Variants in FAM178B observed in about 807,000 individuals in gnomAD.
FAM178B encodes protein FAM178B.
A neutral mutation model predicts 91.7 loss-of-function variants in FAM178B; 82 were observed. That is an observed-to-expected ratio of 0.89 (90% CI 0.75 to 1.07). FAM178B has a LOEUF of 1.07. FAM178B is among the 50% of genes least tolerant of loss of function. The probability of loss-of-function intolerance (pLI) is 0.00; values close to 1 mark genes in which losing one functional copy is unlikely to be tolerated. For missense variants in FAM178B, 769 were observed against 846.7 expected (o/e 0.91, Z 1.14); for synonymous variants, 368 against 359.4 (o/e 1.02, Z -0.27).
At chr2:96,985,767 G>A (rs2082415583) in intron 1 of FAM178B, among the ~76,000 whole-genome samples, 3 of 152,192 alleles carry the variant, frequency 2.0e-5, no homozygotes, top group Admixed American at 6.5e-5. Flanking sequence ...CGAGAGCAGC[G>A]GCTCCTGTCA....
chr2:96,926,812 G>A (rs2153371386), intron 9 of FAM178B, among the ~76,000 whole-genome samples: 1 of 152,342 alleles, frequency 6.6e-6, no homozygotes, highest in Admixed American at 6.5e-5. Context: ...GGGAAGACTT[G>A]TCTTTCTCAG....
At position 96,895,407 on chromosome 2, in the gene FAM178B, C is replaced by T. The variant is rs140344512; in HGVS notation, c.1651-1356G>A. Among the ~76,000 whole-genome samples the T allele has an allele frequency of 2.6e-3, 389 of 152,338 alleles. 1 individual carries two copies. The highest frequency in any genetic ancestry group is 3.6e-3 in the Non-Finnish European group (245 of 68,040). ...TGACTATGGCACCTAAGCTATTAGC[C>T]GCCCCAGCCCCCATTTAGTTTTTGA... On this transcript the variant is annotated intron_variant, in intron 13 of 16. Coordinates refer to ENST00000490605, the MANE Select transcript of FAM178B (RefSeq NM_001122646.3).
chr2:96,904,561 T>C (rs2080995275), intron 12 of FAM178B, among the ~76,000 whole-genome samples: 1 of 148,264 alleles, frequency 6.7e-6, no homozygotes, highest in Non-Finnish European at 1.5e-5. Context: ...TTTTTTTTTT[T>C]TTTTGTATTT....
At chr2:96,960,909 G>A (rs1207160881) in intron 5 of FAM178B, among the ~76,000 whole-genome samples, 2 of 152,162 alleles carry the variant, frequency 1.3e-5, no homozygotes, top group African/African-American at 4.8e-5. Flanking sequence ...GGGAGGGGCA[G>A]GAAGGCTGGC....
chr2:96,951,128 A>G (rs1384785862), intron 7 of FAM178B, among the ~76,000 whole-genome samples: 1 of 152,154 alleles, frequency 6.6e-6, no homozygotes, highest in East Asian at 1.9e-4. Context: ...CTTCGGGGGA[A>G]GCAGAGGCTC....
At position 96,971,896 on chromosome 2, in the gene FAM178B, C is replaced by T. The variant is rs1269611267; in HGVS notation, c.564+5G>A. On this transcript the variant is annotated splice_donor_5th_base_variant and intron_variant, in intron 3 of 16. Coordinates refer to ENST00000490605, the MANE Select transcript of FAM178B (RefSeq NM_001122646.3). ...AGAAGAGGCCAAGGGTGGACACAGG[C>T]TCACCTCTGGGGCCGCAGCCTGCTG... The T allele has an allele frequency of 6.7e-7, 1 of 1,481,600 alleles. No homozygotes were observed. The highest frequency in any genetic ancestry group is 1.4e-5 in the African/African-American group (1 of 70,764). 91.8% of individuals were successfully genotyped at this position (1,481,600 alleles called of 1,614,324 possible). A position where few individuals can be genotyped will look rare whatever the true frequency, so the allele number is the denominator to read the frequency against.
rs187264360 is a variant in FAM178B, at chr2:96,971,901, C to T, written c.564G>A (p.Glu188=). The T allele has an allele frequency of 3.4e-6, 5 of 1,491,380 alleles. No individual in the cohort carries two copies. The East Asian group carries it at 1.2e-4, about 37-fold the overall frequency. The allele number at this position is 1,491,380 out of a possible 1,614,324, so 92.4% of individuals were successfully genotyped here. ...AGGCCAAGGGTGGACACAGGCTCAC[C>T]TCTGGGGCCGCAGCCTGCTGGCTCA... ...SGLSQQAAAP[E]FSWGGSGSYF... The change falls in exon 3 of 17, where the codon GAG becomes GAA. Residue 188 remains glutamate (E), a splice_region_variant and synonymous_variant. Coordinates refer to ENST00000490605, the MANE Select transcript of FAM178B (RefSeq NM_001122646.3).
In FAM178B at chr2:96,878,485, G is replaced by T; in HGVS notation, c.1785C>A (p.Tyr595Ter). 6.2e-7 allele frequency: 1 copy of T among 1,613,866 alleles called. No individual in the cohort carries two copies. Among genetic ancestry groups the T allele is most frequent in the Non-Finnish European group, 8.5e-7 (1 of 1,180,004 alleles). The change falls in exon 15 of 17, where the codon TAC becomes TAA. Residue 595 changes from tyrosine (Y) to a stop codon, truncating the protein, a stop_gained. Coordinates refer to ENST00000490605, the MANE Select transcript of FAM178B (RefSeq NM_001122646.3). LOFTEE classifies it high-confidence loss of function. ...CCAGCATCAGCAAGCTGTGGCACAG[G>T]TAGCAGGCCTGGAGGGAGAGCACAG... ...ASAELDHKAC[Y>*]LCHSLLMLAG... is the part of the protein sequence containing the mutation.
intron 6 of FAM178B, among the ~76,000 whole-genome samples, chr2:96,952,494 C>T (rs974027555): frequency 1.4e-4 from 22 of 152,154 alleles, no homozygotes; most frequent in African/African-American, 5.1e-4. Context: ...CTCTCAAAAT[C>T]GGCGCTGGTG....
intron 12 of FAM178B, among the ~76,000 whole-genome samples, chr2:96,909,076 G>A (rs1449954650): frequency 1.3e-5 from 2 of 150,114 alleles, no homozygotes; most frequent in African/African-American, 4.9e-5. Flanking sequence ...CTGGGAGGCA[G>A]AGGTTGCAGT....
At chr2:96,906,185 A>G (rs1237239591) in intron 12 of FAM178B, among the ~76,000 whole-genome samples, 3 of 148,372 alleles carry the variant, frequency 2.0e-5, no homozygotes, top group Non-Finnish European at 4.5e-5. Flanking sequence ...CGCCCAGCCA[A>G]TACTTTTTCT....
chr2:96,930,088 T>G (rs2081513453), intron 8 of FAM178B, among the ~76,000 whole-genome samples: 1 of 151,848 alleles, frequency 6.6e-6, no homozygotes, highest in South Asian at 2.1e-4. Context: ...CATGGCGGCA[T>G]GAGCCTGTAG....
At chr2:96,938,288 G>A (rs1314610901) in intron 8 of FAM178B, among the ~76,000 whole-genome samples, 2 of 152,150 alleles carry the variant, frequency 1.3e-5, no homozygotes, top group East Asian at 1.9e-4. Flanking sequence ...CTAAGGGAAC[G>A]AACTCACCTG....
chr2:96,981,615 C>T (rs2082361588), intron 1 of FAM178B, among the ~76,000 whole-genome samples: 1 of 151,876 alleles, frequency 6.6e-6, no homozygotes, highest in Non-Finnish European at 1.5e-5. Flanking sequence ...GTGGTGGATG[C>T]CTGTAGTCCC....
intron 12 of FAM178B, among the ~76,000 whole-genome samples, chr2:96,907,920 T>C (rs969638266): frequency 2.6e-5 from 4 of 152,180 alleles, no homozygotes; most frequent in Non-Finnish European, 5.9e-5. Context: ...CCTTTTCCAG[T>C]CTCCAGGGCA....
intron 5 of FAM178B, among the ~76,000 whole-genome samples, chr2:96,964,368 A>G (rs893506479): frequency 6.6e-6 from 1 of 152,174 alleles, no homozygotes; most frequent in Non-Finnish European, 1.5e-5. Flanking sequence ...TGAATGCAGA[A>G]TGCTAACCTA....
chr2:96,904,261 G>A (rs936609026), intron 12 of FAM178B, among the ~76,000 whole-genome samples: 2 of 148,708 alleles, frequency 1.3e-5, no homozygotes, highest in South Asian at 2.1e-4. Flanking sequence ...TCAGTCCTAC[G>A]GGGGGGTGTT....
intron 1 of FAM178B, among the ~76,000 whole-genome samples, chr2:96,984,234 C>T (rs1204670993): frequency 3.3e-5 from 5 of 152,102 alleles, no homozygotes; most frequent in Admixed American, 1.3e-4. Flanking sequence ...GCTGGGATTA[C>T]GGGTGTGAGC....
At chr2:96,921,726 C>T in intron 10 of FAM178B, 72 bp from the exon 11 acceptor site, 1 of 1,442,484 alleles carries the variant, frequency 6.9e-7, no homozygotes, top group Non-Finnish European at 9.5e-7. Flanking sequence ...GACCAGTTCC[C>T]TGGGAGACAC....
Sources: allele counts gnomAD v4.1 joint callset (sites outside exome capture counted in the v4.1 genomes callset), GRCh38; gene constraint gnomAD v4.1.1; transcripts MANE v1.5; gene names NCBI Gene and HGNC (gene_info 2026-07-23, HGNC 2026-07-21).